PLCB1: variants seen among roughly 807,000 people sequenced by gnomAD.
PLCB1 encodes the protein phospholipase C beta 1.
Under a neutral mutation model 161.8 loss-of-function variants are expected in PLCB1, and 46 were observed. The ratio of observed to expected loss-of-function variants is 0.28; its 90% CI spans 0.22 to 0.36. The LOEUF (loss-of-function observed/expected upper bound fraction) is 0.36. Among genes scored for constraint, PLCB1 ranks in the 10% least tolerant of loss-of-function variants. The probability of loss-of-function intolerance (pLI) is 1.00; values close to 1 mark genes in which losing one functional copy is unlikely to be tolerated. For missense variants in PLCB1, 1,016 were observed against 1,472.5 expected, an observed-to-expected ratio of 0.69 and a Z score of 5.07; for synonymous variants, 517 against 503.7, an observed-to-expected ratio of 1.03 and a Z score of -0.35.
intron 3 of PLCB1, among the ~76,000 whole-genome samples, chr20:8,410,731 C>A (rs1979006410): frequency 6.6e-6 from 1 of 152,010 alleles, no homozygotes; most frequent in Non-Finnish European, 1.5e-5. Flanking sequence ...ATGAATGACA[C>A]CTTATTTGGA....
chr20:8,805,235 A>G (rs1340254616), intron 31 of PLCB1, among the ~76,000 whole-genome samples: 1 of 152,166 alleles, frequency 6.6e-6, no homozygotes, highest in Non-Finnish European at 1.5e-5. Context: ...GGTGAGTTAT[A>G]CTTTTAACTG....
intron 3 of PLCB1, among the ~76,000 whole-genome samples, chr20:8,557,959 T>C (rs1986016199): frequency 6.6e-6 from 1 of 151,902 alleles, no homozygotes; most frequent in African/African-American, 2.4e-5. Flanking sequence ...ATATTGGATC[T>C]ACTAACTAAG....
At chr20:8,684,233 T>TTTA (rs765888542) in intron 9 of PLCB1, among the ~76,000 whole-genome samples, 2 of 38,412 alleles carry the variant, frequency 5.2e-5, no homozygotes, top group African/African-American at 1.3e-4. Context: ...TTGTAAATTA[T>TTTA]TTATTTATTT....
Position 8,881,826 on chromosome 20 carries a change from A to G in PLCB1, c.3628A>G (p.Lys1210Glu), listed in dbSNP as rs752779710. 14 of 1,613,434 alleles carry G rather than the reference A, an allele frequency of 8.7e-6. No homozygotes were observed. In the South Asian group the frequency reaches 1.5e-4, roughly 18 times the overall value. Residue 1210 changes from lysine to glutamate, a missense_variant, in exon 32 of 32, where the codon AAA becomes GAA. Lys to Glu is a moderately conservative substitution (Grantham distance 56). This residue lies in a region of PLCB1 where 398 missense variants were observed against 445.4 expected (regional missense o/e 0.89). Coordinates refer to ENST00000338037, the MANE Select transcript of PLCB1 (RefSeq NM_015192.4). ...GGAGCTGGGAGGAGACATCCCAGGA[A>G]AAGAATTTGATACTCCTCTGTGAAT... Reference protein sequence around the residue: ...SEELGGDIPGKEFDTPL With the variant: ...SEELGGDIPGEEFDTPL
At chr20:8,485,298 C>T (rs1015398168) in intron 3 of PLCB1, among the ~76,000 whole-genome samples, 2 of 152,182 alleles carry the variant, frequency 1.3e-5, no homozygotes, top group African/African-American at 4.8e-5. Flanking sequence ...TTTTTATAAG[C>T]TCTGGAAAAC....
At position 8,569,767 on chromosome 20, in the gene PLCB1, C is replaced by T. The variant is rs528778111; in HGVS notation, c.247-58527C>T. 3.0e-3 allele frequency among the ~76,000 whole-genome samples: 464 copies of T among 152,228 alleles called. 2 individuals are homozygous for T. The highest frequency in any genetic ancestry group is 4.2e-3 in the Non-Finnish European group (286 of 68,020). On this transcript the variant is annotated intron_variant, in intron 3 of 31. Transcript: ENST00000338037. ...AAAATGATGCACAAAAGTATACATG[C>T]ATTCCAGTTGCAGCTATCTTATTTT...
At chr20:8,736,548 A>C (rs1203645830) in intron 19 of PLCB1, among the ~76,000 whole-genome samples, 1 of 152,202 alleles carries the variant, frequency 6.6e-6, no homozygotes, top group Non-Finnish European at 1.5e-5. Context: ...AACTACCTGA[A>C]ACTGAGCAAT....
chr20:8,310,998 G>A (rs1390230789), intron 2 of PLCB1, among the ~76,000 whole-genome samples: 2 of 152,134 alleles, frequency 1.3e-5, no homozygotes, highest in Non-Finnish European at 2.9e-5. Flanking sequence ...TGTGATTAGT[G>A]CTACAGTTTT....
At chr20:8,319,195 C>T (rs763191497) in intron 2 of PLCB1, among the ~76,000 whole-genome samples, 2 of 152,182 alleles carry the variant, frequency 1.3e-5, no homozygotes, top group African/African-American at 2.4e-5. Flanking sequence ...CAGTTATTTA[C>T]TGCCAAATAA....
intron 3 of PLCB1, among the ~76,000 whole-genome samples, chr20:8,467,731 G>A (rs1246377709): frequency 1.3e-5 from 2 of 152,020 alleles, no homozygotes; most frequent in African/African-American, 4.8e-5. Flanking sequence ...ATTTTCCAGG[G>A]TGCTTTCATC....
intron 3 of PLCB1, among the ~76,000 whole-genome samples, chr20:8,518,921 C>T (rs1019585416): frequency 2.6e-5 from 4 of 151,890 alleles, no homozygotes; most frequent in Non-Finnish European, 4.4e-5. Context: ...CAAAGTAGAT[C>T]CCTTGCATGC....
At chr20:8,400,704 C>A (rs1170947693) in intron 3 of PLCB1, among the ~76,000 whole-genome samples, 2 of 152,074 alleles carry the variant, frequency 1.3e-5, no homozygotes, top group Admixed American at 1.3e-4. Flanking sequence ...AAATACAAGT[C>A]CTCATTCTTT....
intron 3 of PLCB1, among the ~76,000 whole-genome samples, chr20:8,590,501 A>G (rs1987116674): frequency 6.6e-6 from 1 of 152,054 alleles, no homozygotes; most frequent in Admixed American, 6.6e-5. Context: ...GTGACAAATT[A>G]CCACAAACTC....
At chr20:8,826,012 G>T (rs1985677020) in intron 31 of PLCB1, among the ~76,000 whole-genome samples, 1 of 152,278 alleles carries the variant, frequency 6.6e-6, no homozygotes, top group East Asian at 1.9e-4. Context: ...AACTGGGAAT[G>T]AGGGGGAGGG....
At chr20:8,660,568 C>A (rs561754212) in intron 9 of PLCB1, among the ~76,000 whole-genome samples, 1 of 152,164 alleles carries the variant, frequency 6.6e-6, no homozygotes, top group Non-Finnish European at 1.5e-5. Context: ...CATACATCAT[C>A]CTCTGATGAC....
chr20:8,794,441 A>C (rs1983918651), intron 31 of PLCB1, among the ~76,000 whole-genome samples: 1 of 152,176 alleles, frequency 6.6e-6, no homozygotes. Context: ...GTCCCTCCAT[A>C]TGGGGTCCCT....
intron 2 of PLCB1, among the ~76,000 whole-genome samples, chr20:8,237,895 C>T (rs1980409223): frequency 6.6e-6 from 1 of 152,034 alleles, no homozygotes; most frequent in Admixed American, 6.6e-5. Flanking sequence ...ATCCTGCCAA[C>T]TTCTTATAAA....
At chr20:8,541,732 A>G (rs1056680102) in intron 3 of PLCB1, among the ~76,000 whole-genome samples, 1 of 152,226 alleles carries the variant, frequency 6.6e-6, no homozygotes, top group Non-Finnish European at 1.5e-5. Flanking sequence ...GATAAAATAC[A>G]TAACTAGTTC....
intron 2 of PLCB1, among the ~76,000 whole-genome samples, chr20:8,216,894 G>A (rs1233437851): frequency 6.6e-6 from 1 of 152,060 alleles, no homozygotes. Context: ...CAAAATAGTG[G>A]TGTCAACCCA....
Sources: gnomAD v4.1 joint callset for allele counts (sites outside exome capture counted in the v4.1 genomes callset) on GRCh38, gnomAD v4.1.1 for gene constraint, gnomAD v4.1.1 regional missense constraint, MANE v1.5 for transcripts, NCBI Gene and HGNC (gene_info 2026-07-23, HGNC 2026-07-21) for gene names.